SH3GL3: variants seen among roughly 807,000 people sequenced by gnomAD.
SH3GL3 encodes the protein SH3 domain containing GRB2 like 3, endophilin A3, also known as endophilin-A3.
Under a neutral mutation model 47.7 loss-of-function variants are expected in SH3GL3, and 33 were observed. The ratio of observed to expected loss-of-function variants is 0.69; its 90% CI spans 0.52 to 0.92. SH3GL3 has a LOEUF of 0.92. SH3GL3 is among the 40% of genes least tolerant of loss of function. The pLI is 0.00. For missense variants in SH3GL3, 363 were observed against 417.8 expected (o/e 0.87, Z 1.14); for synonymous variants, 155 against 148.8 (o/e 1.04, Z -0.30).
chr15:83,449,180 CACTCA>C (rs2039606202), intron 1 of SH3GL3, among the ~76,000 whole-genome samples: 1 of 152,166 alleles, frequency 6.6e-6, no homozygotes. Context: ...GAGCAGTGAC[CACTCA>C]ATAAATATTT....
chr15:83,521,748 A>G (rs1357278709), intron 1 of SH3GL3, among the ~76,000 whole-genome samples: 1 of 152,184 alleles, frequency 6.6e-6, no homozygotes, highest in African/African-American at 2.4e-5. Context: ...AACAATGTGA[A>G]AATTGGAATG....
intron 8 of SH3GL3, among the ~76,000 whole-genome samples, chr15:83,595,404 A>G (rs898037482): frequency 6.6e-6 from 1 of 151,962 alleles, no homozygotes; most frequent in Non-Finnish European, 1.5e-5. Context: ...ACCCTGTACT[A>G]TGCTTGATCA....
intron 1 of SH3GL3, among the ~76,000 whole-genome samples, chr15:83,449,708 T>G (rs375587509): frequency 5.4e-5 from 8 of 147,054 alleles, no homozygotes; most frequent in African/African-American, 2.0e-4. Context: ...GAACGTCTTA[T>G]TTAGTCTTTT....
intron 1 of SH3GL3, among the ~76,000 whole-genome samples, chr15:83,495,819 A>G (rs1460313288): frequency 6.6e-6 from 1 of 152,156 alleles, no homozygotes; most frequent in African/African-American, 2.4e-5. Context: ...TTTCCTTATG[A>G]TAGACTCCAC....
chr15:83,583,133 G>T (rs749892492), intron 6 of SH3GL3, among the ~76,000 whole-genome samples: 19 of 152,172 alleles, frequency 1.2e-4, no homozygotes, highest in Non-Finnish European at 2.4e-4. Context: ...AAAGAGAATG[G>T]CTTGTCGTCT....
At chr15:83,512,443 G>C (rs1761358508) in intron 1 of SH3GL3, among the ~76,000 whole-genome samples, 1 of 152,072 alleles carries the variant, frequency 6.6e-6, no homozygotes, top group Non-Finnish European at 1.5e-5. Context: ...AAGTGCCTGT[G>C]GTATTCCCAA....
the SH3GL3 span, among the ~76,000 whole-genome samples, chr15:83,626,452 C>T: frequency 6.6e-6 from 1 of 152,158 alleles, no homozygotes; most frequent in Admixed American, 6.5e-5. Context: ...CCTTTTATGA[C>T]TGGGTAGGTA....
intron 4 of SH3GL3, among the ~76,000 whole-genome samples, chr15:83,569,203 G>T (rs753164441): frequency 6.6e-6 from 1 of 152,086 alleles, no homozygotes. Context: ...GGCTTGTTGT[G>T]TATCTTTTAT....
Position 83,586,968 on chromosome 15 carries a change from G to A in SH3GL3, c.625-15G>A. 7.3e-6 allele frequency: 11 copies of A among 1,499,356 alleles called. No individual in the cohort carries two copies. Among genetic ancestry groups the A allele is most frequent in the Non-Finnish European group, 9.2e-6 (10 of 1,086,880 alleles). 92.9% of individuals were successfully genotyped at this position (1,499,356 alleles called of 1,614,324 possible). On this transcript the variant is annotated splice_polypyrimidine_tract_variant and intron_variant, in intron 6 of 8. Coordinates refer to ENST00000427482, the MANE Select transcript of SH3GL3 (RefSeq NM_003027.5). The stretch of plus-strand genomic sequence containing the variant: ...GCTCGGGCCTCCATGGAATAATTTT[G>A]CACTTCTGCTGCAGGTAGAACAAGT...
intron 1 of SH3GL3, among the ~76,000 whole-genome samples, chr15:83,500,503 T>C (rs932860775): frequency 6.6e-6 from 1 of 152,178 alleles, no homozygotes; most frequent in African/African-American, 2.4e-5. Context: ...TCAAGTGCCA[T>C]ATCTCTCTCC....
At chr15:83,596,870 C>T (rs1193764750) in intron 8 of SH3GL3, among the ~76,000 whole-genome samples, 1 of 151,912 alleles carries the variant, frequency 6.6e-6, no homozygotes, top group Non-Finnish European at 1.5e-5. Flanking sequence ...ACTTTTTGTC[C>T]TTCCTCGGAC....
chr15:83,509,059 C>T (rs1001849385), intron 1 of SH3GL3, among the ~76,000 whole-genome samples: 3 of 152,140 alleles, frequency 2.0e-5, no homozygotes, highest in African/African-American at 7.2e-5. Context: ...TTACCTACAT[C>T]GGGCATTTTA....
At chr15:83,529,420 C>T (rs1476625850) in intron 1 of SH3GL3, among the ~76,000 whole-genome samples, 1 of 152,048 alleles carries the variant, frequency 6.6e-6, no homozygotes, top group African/African-American at 2.4e-5. Context: ...CCTTAGGCTT[C>T]CAGGCAGTTA....
intron 1 of SH3GL3, among the ~76,000 whole-genome samples, chr15:83,529,377 C>T (rs2043563406): frequency 1.3e-5 from 2 of 152,008 alleles, no homozygotes; most frequent in African/African-American, 4.8e-5. Context: ...GTGTGTGTGG[C>T]ATGGGAGATA....
chr15:83,465,652 AG>A (rs2151518422), intron 1 of SH3GL3, among the ~76,000 whole-genome samples: 1 of 152,102 alleles, frequency 6.6e-6, no homozygotes, highest in South Asian at 2.1e-4. Flanking sequence ...CTTTTAAGAG[AG>A]GGCTTCCCTG....
intron 8 of SH3GL3, among the ~76,000 whole-genome samples, chr15:83,599,999 T>TCTTCTTTTGACA (rs1456935921): frequency 1.7e-4 from 26 of 151,910 alleles, no homozygotes; most frequent in African/African-American, 6.3e-4. Flanking sequence ...CTTTTGAGAA[T>TCTTCTTTTGACA]TGTCTATTCA....
chr15:83,461,045 T>C (rs2040271622), intron 1 of SH3GL3, among the ~76,000 whole-genome samples: 1 of 151,586 alleles, frequency 6.6e-6, no homozygotes. Context: ...ATCACGCCAC[T>C]GCACTTCAGC....
At chr15:83,462,770 A>G (rs920862634) in intron 1 of SH3GL3, among the ~76,000 whole-genome samples, 11 of 152,246 alleles carry the variant, frequency 7.2e-5, no homozygotes, top group African/African-American at 2.2e-4. Context: ...GGAACAGACA[A>G]AAATCAAACT....
chr15:83,537,602 C>T (rs2043969966), intron 1 of SH3GL3, among the ~76,000 whole-genome samples: 1 of 150,986 alleles, frequency 6.6e-6, no homozygotes, highest in South Asian at 2.1e-4. Flanking sequence ...CTCTGTTGAT[C>T]CTTATTGCTT....
Sources: allele counts gnomAD v4.1 joint callset (sites outside exome capture counted in the v4.1 genomes callset), GRCh38; gene constraint gnomAD v4.1.1; transcripts MANE v1.5; gene names NCBI Gene and HGNC (gene_info 2026-07-23, HGNC 2026-07-21).